The following RIMS2 variants were observed in gnomAD, a reference collection of about 807,000 sequenced individuals.
RIMS2 encodes regulating synaptic membrane exocytosis 2.
Under a neutral mutation model 174.4 loss-of-function variants are expected in RIMS2, and 59 were observed. The ratio of observed to expected loss-of-function variants is 0.34; its 90% CI spans 0.27 to 0.42. The LOEUF is 0.42. RIMS2 is among the 10% of genes least tolerant of loss of function. RIMS2 has a pLI of 1.00. For synonymous variants in RIMS2, 606 were observed against 572.5 expected (o/e 1.06, Z -0.84); for missense variants, 1,620 against 1,666.3 (o/e 0.97, Z 0.48).
intron 3 of RIMS2, among the ~76,000 whole-genome samples, chr8:103,770,217 T>C (rs1210117425): frequency 6.6e-6 from 1 of 152,218 alleles, no homozygotes; most frequent in African/African-American, 2.4e-5. Context: ...TTATTTATTG[T>C]CTATGGCTGC....
In RIMS2 at chr8:104,248,728, CT is replaced by C; in HGVS notation, c.3505del (p.Ser1169LeufsTer17). ...TGATTTTCCCTGGTGTTCGCTTGGC[CT>C]CTGATAGCCAGTTCAGTGATTTCCT... On this transcript the variant is annotated frameshift_variant, in exon 21 of 24. Transcript: ENST00000504942. LOFTEE classifies it high-confidence loss of function. The C allele has an allele frequency of 6.2e-7, 1 of 1,611,960 alleles. No homozygotes were observed. The highest frequency in any genetic ancestry group is 8.5e-7 in the Non-Finnish European group (1 of 1,178,036).
chr8:103,752,855 A>C (rs929771843), intron 2 of RIMS2, among the ~76,000 whole-genome samples: 1 of 152,150 alleles, frequency 6.6e-6, no homozygotes, highest in Admixed American at 6.5e-5. Flanking sequence ...GGGGTTTTCT[A>C]TATATACAAT....
At chr8:104,159,044 C>G (rs2134545919) in intron 19 of RIMS2, among the ~76,000 whole-genome samples, 1 of 152,252 alleles carries the variant, frequency 6.6e-6, no homozygotes, top group East Asian at 1.9e-4. Context: ...ACATTTAAGT[C>G]TCTAATCCAT....
intron 19 of RIMS2, among the ~76,000 whole-genome samples, chr8:104,058,824 G>A (rs2096922463): frequency 6.6e-6 from 1 of 152,186 alleles, no homozygotes; most frequent in Non-Finnish European, 1.5e-5. Context: ...ATTAAATAGG[G>A]AATCCTTTCC....
At position 103,886,229 on chromosome 8, in the gene RIMS2, C is replaced by T. The variant is rs773616821; in HGVS notation, c.1624+6C>T. The T allele has an allele frequency of 6.3e-7, 1 of 1,596,146 alleles. No homozygotes were observed. Among genetic ancestry groups the T allele is most frequent in the East Asian group, 2.2e-5 (1 of 44,532 alleles). On this transcript the variant is annotated splice_donor_region_variant and intron_variant, in intron 4 of 23. Coordinates refer to ENST00000504942, the Ensembl canonical transcript of RIMS2. ...TGAGAGTGTAAGTGAAAAAGGTAAGCTTTCTAATCATACATTTTGCTGTAA... is the reference window on the plus strand; with the variant it reads ...TGAGAGTGTAAGTGAAAAAGGTAAGTTTTCTAATCATACATTTTGCTGTAA...
chr8:103,941,955 G>A (rs955881706), intron 13 of RIMS2, among the ~76,000 whole-genome samples: 1 of 151,978 alleles, frequency 6.6e-6, no homozygotes, highest in African/African-American at 2.4e-5. Flanking sequence ...AATATGGCAC[G>A]GTTCTTAATA....
chr8:104,133,483 G>A lies in RIMS2; in HGVS notation c.3335-111433G>A, dbSNP rs535495641. ...TTATAGACTGGTATTTGGAAGATAA[G>A]GGAATTCCTTCTGATATTTTATATT... On this transcript the variant is annotated intron_variant, in intron 19 of 23. Coordinates refer to ENST00000504942, the Ensembl canonical transcript of RIMS2. Among the ~76,000 whole-genome samples, 18 of 152,300 alleles carry A rather than the reference G, an allele frequency of 1.2e-4. No individual in the cohort carries two copies. In the South Asian group the frequency reaches 1.9e-3, roughly 16 times the overall value.
At chr8:104,174,253 G>T (rs2098854879) in intron 19 of RIMS2, among the ~76,000 whole-genome samples, 1 of 152,006 alleles carries the variant, frequency 6.6e-6, no homozygotes, top group South Asian at 2.1e-4. Context: ...GGCCCTAAAG[G>T]ATCATTTTAA....
chr8:103,819,340 C>T (rs1253586684), intron 3 of RIMS2: 69 of 1,480,538 alleles, frequency 4.7e-5, no homozygotes, highest in Non-Finnish European at 5.7e-5. Flanking sequence ...AGAATAATGA[C>T]TGTACAATTA....
chr8:104,213,742 T>C (rs956457783), intron 19 of RIMS2, among the ~76,000 whole-genome samples: 6 of 151,986 alleles, frequency 3.9e-5, no homozygotes, highest in Admixed American at 1.3e-4. Context: ...TTGGGCGTGG[T>C]GGCACGCGCC....
chr8:104,093,427 G>T, intron 19 of RIMS2, 44 bp from the exon 24 acceptor site: 1 of 1,396,118 alleles, frequency 7.2e-7, no homozygotes, highest in Non-Finnish European at 9.8e-7. Context: ...GCTTTGTGTG[G>T]TAATACTGAC....
At chr8:104,121,230 A>G (rs368379482) in intron 19 of RIMS2, among the ~76,000 whole-genome samples, 8 of 152,308 alleles carry the variant, frequency 5.3e-5, no homozygotes, top group East Asian at 1.9e-4. Context: ...CCAAAGTGAT[A>G]TATATTAAAT....
intron 19 of RIMS2, among the ~76,000 whole-genome samples, chr8:104,083,656 A>G (rs572644277): frequency 1.3e-5 from 2 of 152,214 alleles, no homozygotes; most frequent in South Asian, 2.1e-4. Context: ...TAATAAAAAC[A>G]TAAGGGCTTT....
intron 3 of RIMS2, among the ~76,000 whole-genome samples, chr8:103,823,041 A>T (rs1377945275): frequency 1.3e-5 from 2 of 151,938 alleles, no homozygotes; most frequent in Admixed American, 6.6e-5. Context: ...ATCTTTTGTG[A>T]TAAAATTGAT....
At chr8:103,789,701 C>A (rs931369821) in intron 3 of RIMS2, among the ~76,000 whole-genome samples, 5 of 145,996 alleles carry the variant, frequency 3.4e-5, no homozygotes, top group Admixed American at 1.4e-4. Context: ...TTATATTATT[C>A]TTTTTACCAA....
chr8:103,955,557 A>T (rs906826309), intron 14 of RIMS2, among the ~76,000 whole-genome samples: 1 of 152,184 alleles, frequency 6.6e-6, no homozygotes, highest in African/African-American at 2.4e-5. Context: ...ACACCCCTTC[A>T]TGCTAAAAAG....
intron 1 of RIMS2, among the ~76,000 whole-genome samples, chr8:103,540,373 C>T (rs867233505): frequency 9.9e-5 from 15 of 152,166 alleles, no homozygotes; most frequent in Admixed American, 2.0e-4. Flanking sequence ...CAATGTTGGC[C>T]GCTGAGGATC....
chr8:104,094,511 G>A (rs1247462671), intron 19 of RIMS2: 6 of 695,828 alleles, frequency 8.6e-6, no homozygotes, highest in South Asian at 7.6e-5. Flanking sequence ...GGAAAGAAGG[G>A]GATAAGCATG....
intron 1 of RIMS2, among the ~76,000 whole-genome samples, chr8:103,538,946 C>T (rs530547256): frequency 1.3e-5 from 2 of 152,370 alleles, no homozygotes; most frequent in Admixed American, 1.3e-4. Flanking sequence ...CTGGTCATTG[C>T]AAATGTGGTT....
Sources: gnomAD v4.1 joint callset for allele counts (sites outside exome capture counted in the v4.1 genomes callset) on GRCh38, gnomAD v4.1.1 for gene constraint, MANE v1.5 for transcripts, NCBI Gene and HGNC (gene_info 2026-07-23, HGNC 2026-07-21) for gene names.